The following RNF144A variants were observed in gnomAD, a reference collection of about 807,000 sequenced individuals.
RNF144A encodes the protein ring finger protein 144A.
RNF144A carries 11 observed loss-of-function variants against 38.7 expected under a neutral mutation model. The ratio of observed to expected loss-of-function variants is 0.28; its 90% confidence interval spans 0.18 to 0.47. RNF144A has a LOEUF of 0.47. Ranked by LOEUF, RNF144A falls within the 20% of genes least tolerant of loss-of-function variation. The pLI, the probability that RNF144A is intolerant of heterozygous loss-of-function variation, is 0.99. For synonymous variants in RNF144A, 149 were observed against 143.9 expected (o/e 1.04, Z -0.25); for missense variants, 316 against 377.2 (o/e 0.84, Z 1.34).
chr2:6,994,851 C>T (rs573963115), intron 2 of RNF144A, among the ~76,000 whole-genome samples: 46 of 152,332 alleles, frequency 3.0e-4, no homozygotes, highest in South Asian at 1.0e-3. Context: ...TGAAGGCCTG[C>T]GCAGATTCCC....
At chr2:6,935,510 C>T (rs567646466) in intron 1 of RNF144A, among the ~76,000 whole-genome samples, 117 of 152,352 alleles carry the variant, frequency 7.7e-4, no homozygotes, top group African/African-American at 2.5e-3. Context: ...CTGTCTTTCC[C>T]GTCTACATCC....
At chr2:6,971,191 G>A (rs772524113) in intron 2 of RNF144A, among the ~76,000 whole-genome samples, 2 of 152,186 alleles carry the variant, frequency 1.3e-5, no homozygotes, top group Non-Finnish European at 2.9e-5. Context: ...CAGCTGGTTG[G>A]ACAGTAACCT....
chr2:6,964,413 A>C (rs868682339), intron 2 of RNF144A, among the ~76,000 whole-genome samples: 1 of 152,200 alleles, frequency 6.6e-6, no homozygotes, highest in Admixed American at 6.5e-5. Flanking sequence ...TCAGTGTGGC[A>C]ATTCCTCAGG....
At chr2:6,980,088 C>A (rs1668537951) in intron 2 of RNF144A, among the ~76,000 whole-genome samples, 1 of 152,148 alleles carries the variant, frequency 6.6e-6, no homozygotes, top group Non-Finnish European at 1.5e-5. Context: ...GGGAAACTGC[C>A]CCCATGATCC....
chr2:7,029,047 C>T (rs377019227), intron 7 of RNF144A, among the ~76,000 whole-genome samples: 2 of 152,198 alleles, frequency 1.3e-5, no homozygotes, highest in African/African-American at 4.8e-5. Context: ...ACTGTCTTAC[C>T]AGAGTTGATT....
chr2:6,985,833 C>T (rs935879786), intron 2 of RNF144A, among the ~76,000 whole-genome samples: 8 of 152,072 alleles, frequency 5.3e-5, no homozygotes, highest in African/African-American at 1.7e-4. Flanking sequence ...CCATCGCACC[C>T]GGCTAATTTT....
At chr2:7,016,355 C>A (rs944307153) in intron 5 of RNF144A, among the ~76,000 whole-genome samples, 10 of 151,984 alleles carry the variant, frequency 6.6e-5, no homozygotes, top group Admixed American at 6.6e-5. Flanking sequence ...GAATATTTTC[C>A]AGAGAGAATC....
chr2:6,968,373 T>C (rs1387243540), intron 2 of RNF144A, among the ~76,000 whole-genome samples: 2 of 152,248 alleles, frequency 1.3e-5, no homozygotes, highest in Admixed American at 1.3e-4. Flanking sequence ...CAGTGAACAC[T>C]TCGGGCCCAG....
intron 8 of RNF144A, among the ~76,000 whole-genome samples, chr2:7,031,233 C>A (rs16865853): frequency 2.0e-5 from 3 of 152,066 alleles, no homozygotes; most frequent in Non-Finnish European, 4.4e-5. Flanking sequence ...AAAGGACCCT[C>A]GTGTTGGTTA....
chr2:7,058,394 A>G (rs1202685302), intron 6 of RNF144A, among the ~76,000 whole-genome samples: 2 of 152,152 alleles, frequency 1.3e-5, no homozygotes, highest in African/African-American at 4.8e-5. Flanking sequence ...TATTCTGGAA[A>G]AAAAATTGTT....
chr2:6,935,566 A>T (rs1235724542), intron 1 of RNF144A, among the ~76,000 whole-genome samples: 1 of 151,962 alleles, frequency 6.6e-6, no homozygotes, highest in Admixed American at 6.5e-5. Context: ...TGGTAACAGC[A>T]TGTAGATGGG....
chr2:7,008,667 C>T (rs569161282), intron 3 of RNF144A, among the ~76,000 whole-genome samples: 102 of 152,350 alleles, frequency 6.7e-4, no homozygotes, highest in South Asian at 1.4e-3. Context: ...GCTTCCCTTT[C>T]TCCTGACTGC....
At chr2:7,017,317 C>CT (rs1240607581) in intron 5 of RNF144A, among the ~76,000 whole-genome samples, 2 of 74,750 alleles carry the variant, frequency 2.7e-5, no homozygotes, top group Non-Finnish European at 5.4e-5. Context: ...TTTTTTTGTT[C>CT]TTTGTTTTTT....
At chr2:7,032,110 G>A (rs916674356) in intron 8 of RNF144A, among the ~76,000 whole-genome samples, 2 of 152,284 alleles carry the variant, frequency 1.3e-5, no homozygotes, top group Non-Finnish European at 1.5e-5. Flanking sequence ...GGGCCATGGC[G>A]TACTGCCCTC....
At chr2:7,028,213 C>T (rs1672052864) in intron 7 of RNF144A, among the ~76,000 whole-genome samples, 1 of 152,174 alleles carries the variant, frequency 6.6e-6, no homozygotes, top group African/African-American at 2.4e-5. Flanking sequence ...ACAGAATGTG[C>T]TGAGCCAGGT....
intron 5 of RNF144A, 110 bp from the exon 6 acceptor site, chr2:7,020,363 A>G: frequency 2.2e-6 from 2 of 927,288 alleles, no homozygotes; most frequent in Non-Finnish European, 3.4e-6. Flanking sequence ...TGCTGGCTGT[A>G]TTACCTGGAC....
At chr2:7,049,544 T>G (rs1432166245) in intron 6 of RNF144A, among the ~76,000 whole-genome samples, 1 of 152,196 alleles carries the variant, frequency 6.6e-6, no homozygotes, top group African/African-American at 2.4e-5. Context: ...AAAATTCAAC[T>G]GTGCTCAGCG....
At chr2:6,950,757 T>C (rs1189186076) in intron 2 of RNF144A, among the ~76,000 whole-genome samples, 2 of 152,210 alleles carry the variant, frequency 1.3e-5, no homozygotes, top group African/African-American at 4.8e-5. Context: ...GTAAGATGAA[T>C]TTAAGCTACC....
the RNF144A span, chr2:7,074,767 G>A: frequency 6.6e-6 from 1 of 151,558 alleles, no homozygotes; most frequent in African/African-American, 2.5e-5. Context: ...AGAAGAGAAA[G>A]GAAGAAAAAA....
Sources: gnomAD v4.1 joint callset for allele counts (sites outside exome capture counted in the v4.1 genomes callset) on GRCh38, gnomAD v4.1.1 for gene constraint, MANE v1.5 for transcripts, NCBI Gene and HGNC (gene_info 2026-07-23, HGNC 2026-07-21) for gene names.